Variants in SYN3 observed in about 807,000 individuals in gnomAD.
SYN3 encodes the protein synapsin III, also known as synapsin-3.
A neutral mutation model predicts 65.8 loss-of-function variants in SYN3; 35 were observed. The ratio of observed to expected loss-of-function variants is 0.53; its 90% CI spans 0.41 to 0.70. SYN3 has a LOEUF of 0.70. SYN3 is among the 30% of genes least tolerant of loss of function. The probability of loss-of-function intolerance (pLI) is 0.00; values close to 1 mark genes in which losing one functional copy is unlikely to be tolerated. For missense variants in SYN3, 680 were observed against 749.0 expected (o/e 0.91, Z 1.08); for synonymous variants, 270 against 292.9 (o/e 0.92, Z 0.80).
chr22:32,841,828 C>T (rs894800292), intron 6 of SYN3, among the ~76,000 whole-genome samples: 12 of 151,924 alleles, frequency 7.9e-5, no homozygotes, highest in Non-Finnish European at 1.3e-4. Context: ...TGCACATGTA[C>T]CCCAGAACTT....
intron 4 of SYN3, among the ~76,000 whole-genome samples, chr22:32,888,660 A>G (rs2049358991): frequency 6.6e-6 from 1 of 152,336 alleles, no homozygotes; most frequent in Admixed American, 6.5e-5. Flanking sequence ...CCAGGATTTG[A>G]GATGGAAGAC....
intron 6 of SYN3, among the ~76,000 whole-genome samples, chr22:32,652,530 A>G (rs2060087808): frequency 1.3e-5 from 2 of 151,436 alleles, no homozygotes; most frequent in Admixed American, 6.6e-5. Flanking sequence ...GCAAATGGTT[A>G]TATGCAACTA....
intron 7 of SYN3, 33 bp from the exon 8 acceptor site, chr22:32,541,746 C>A: frequency 6.2e-7 from 1 of 1,605,740 alleles, no homozygotes; most frequent in Non-Finnish European, 8.5e-7. Context: ...TGAGTGCCAC[C>A]CACCCCGTGT....
At chr22:32,567,382 AC>A (rs1237010914) in intron 7 of SYN3, among the ~76,000 whole-genome samples, 2 of 103,486 alleles carry the variant, frequency 1.9e-5, no homozygotes, top group Admixed American at 3.0e-4. Context: ...TCCTTCCTTC[AC>A]CAAAAATGTA....
intron 6 of SYN3, among the ~76,000 whole-genome samples, chr22:32,764,689 TC>T (rs778294529): frequency 3.9e-5 from 6 of 152,108 alleles, no homozygotes; most frequent in Non-Finnish European, 8.8e-5. Flanking sequence ...TCTTGGTGCC[TC>T]CCCACTATGG....
At chr22:32,952,009 G>A (rs763308598) in intron 3 of SYN3, among the ~76,000 whole-genome samples, 15 of 152,326 alleles carry the variant, frequency 9.8e-5, no homozygotes, top group Non-Finnish European at 2.1e-4. Context: ...GGCACAGGCT[G>A]TATTTTTAGC....
intron 6 of SYN3, among the ~76,000 whole-genome samples, chr22:32,669,165 C>A (rs2060328859): frequency 6.6e-6 from 1 of 152,148 alleles, no homozygotes; most frequent in Middle Eastern, 3.4e-3. Context: ...GGTTCTTAGA[C>A]ACTAAGGCTA....
At chr22:33,008,200 G>C (rs2053247185) in intron 1 of SYN3, among the ~76,000 whole-genome samples, 1 of 152,222 alleles carries the variant, frequency 6.6e-6, no homozygotes. Flanking sequence ...GCCTCCCAAA[G>C]TGCTGGGATC....
At chr22:32,822,107 A>C (rs1477916118) in intron 6 of SYN3, among the ~76,000 whole-genome samples, 7 of 149,510 alleles carry the variant, frequency 4.7e-5, no homozygotes, top group Admixed American at 2.7e-4. Flanking sequence ...ATGAGCCGAG[A>C]TCGCACCATT....
intron 6 of SYN3, among the ~76,000 whole-genome samples, chr22:32,606,256 C>T (rs1038743153): frequency 5.3e-5 from 8 of 152,094 alleles, no homozygotes; most frequent in South Asian, 4.1e-4. Flanking sequence ...GAGCAGGGAG[C>T]GCGTTACGAA....
intron 1 of SYN3, among the ~76,000 whole-genome samples, chr22:33,023,253 G>A (rs2053587950): frequency 1.3e-5 from 2 of 152,198 alleles, no homozygotes. Context: ...GTCATGGGAG[G>A]GACCCAGTGG....
chr22:32,770,160 G>A (rs1025752216), intron 6 of SYN3, among the ~76,000 whole-genome samples: 2 of 152,012 alleles, frequency 1.3e-5, no homozygotes, highest in African/African-American at 4.8e-5. Flanking sequence ...CAATCCATCA[G>A]CAAATTCTCC....
chr22:32,671,451 TCACA>T lies in SYN3; in HGVS notation c.712-74719_712-74716del, dbSNP rs776895196. On this transcript the variant is annotated intron_variant, in intron 6 of 13. Transcript: ENST00000358763. Reference sequence around the variant, plus strand: ...CATCCACCTAAAAACACACCCTCCCTCACACACACAGACACACCCACACTTACAC... The same window carrying T: ...CATCCACCTAAAAACACACCCTCCCTCACACAGACACACCCACACTTACAC... Among the ~76,000 whole-genome samples the T allele has an allele frequency of 4.0e-5, 6 of 151,810 alleles. No homozygotes were observed. In the South Asian group the frequency reaches 1.0e-3, roughly 26 times the overall value.
At chr22:32,673,417 C>CGT (rs1289178569) in intron 6 of SYN3, among the ~76,000 whole-genome samples, 2 of 152,212 alleles carry the variant, frequency 1.3e-5, no homozygotes, top group Non-Finnish European at 2.9e-5. Flanking sequence ...GAGCATGGGC[C>CGT]GTTCGGTCAT....
Position 32,513,643 on chromosome 22 carries a change from A to AG in SYN3, c.*48dup. ...AGGCTGAGAAGGAAGATGAGGCAGG[A>AG]GGGGGACGAGTGTAGCAGAGCACTC... is the stretch of plus-strand genomic sequence containing the variant. On this transcript the variant is annotated 3_prime_UTR_variant, in exon 14 of 14. Coordinates refer to ENST00000358763, the MANE Select transcript of SYN3 (RefSeq NM_003490.4). 1 of 1,599,000 alleles carries AG rather than the reference A, an allele frequency of 6.3e-7. No homozygotes were observed. The highest frequency in any genetic ancestry group is 8.5e-7 in the Non-Finnish European group (1 of 1,169,854).
chr22:32,778,633 A>G (rs982824712), intron 6 of SYN3, among the ~76,000 whole-genome samples: 2 of 152,300 alleles, frequency 1.3e-5, no homozygotes, highest in Admixed American at 6.5e-5. Context: ...TCACAACACA[A>G]TGACGGATGA....
intron 7 of SYN3, among the ~76,000 whole-genome samples, chr22:32,548,411 T>TC (rs1269293722): frequency 6.6e-6 from 1 of 152,116 alleles, no homozygotes; most frequent in Non-Finnish European, 1.5e-5. Context: ...TCTTGCTCTG[T>TC]CGTCAGGCTG....
chr22:32,641,607 C>CAAAAAAAAAA (rs34461957), intron 6 of SYN3, among the ~76,000 whole-genome samples: 2 of 67,962 alleles, frequency 2.9e-5, no homozygotes, highest in Non-Finnish European at 2.6e-5. Context: ...GACTCCATCT[C>CAAAAAAAAAA]AAAAAAAAAA....
chr22:33,006,742 C>A lies in SYN3; in HGVS notation c.-80G>T. 7.0e-7 allele frequency: 1 copy of A among 1,431,638 alleles called. No individual in the cohort carries two copies. Among genetic ancestry groups the A allele is most frequent in the Non-Finnish European group, 9.4e-7 (1 of 1,059,626 alleles). The allele number at this position is 1,431,638 out of a possible 1,614,324, so 88.7% of individuals were successfully genotyped here. ...CCAGAAGACAGGCTGCTGCCAGGTA[C>A]AGGGAGTGGTAGGACTTTAGCCAGA... On this transcript the variant is annotated 5_prime_UTR_variant, in exon 2 of 14. Coordinates refer to ENST00000358763, the MANE Select transcript of SYN3 (RefSeq NM_003490.4).
Sources: allele counts gnomAD v4.1 joint callset (sites outside exome capture counted in the v4.1 genomes callset), GRCh38; gene constraint gnomAD v4.1.1; transcripts MANE v1.5; gene names NCBI Gene and HGNC (gene_info 2026-07-23, HGNC 2026-07-21).